Variants in CNGB1 observed in about 807,000 individuals in gnomAD.
CNGB1 encodes the protein cyclic nucleotide gated channel subunit beta 1.
Under a neutral mutation model 151.7 loss-of-function variants are expected in CNGB1, and 126 were observed. That is an observed-to-expected ratio of 0.83 (90% CI 0.72 to 0.96). The LOEUF is 0.96. Among genes scored for constraint, CNGB1 ranks in the 40% least tolerant of loss-of-function variants. The pLI is 0.00. For synonymous variants in CNGB1, 623 were observed against 635.1 expected (o/e 0.98, Z 0.29); for missense variants, 1,698 against 1,627.0 (o/e 1.04, Z -0.75).
chr16:57,918,108 G>GTTATTTATTTAT (rs35373193), intron 20 of CNGB1, among the ~76,000 whole-genome samples: 15 of 142,352 alleles, frequency 1.1e-4, no homozygotes, highest in East Asian at 2.1e-4. Flanking sequence ...AGATCATCTG[G>GTTATTTATTTAT]TTATTTATTT....
chr16:57,917,597 AGTGTGTGTATGTGT>A (rs1960907758), intron 20 of CNGB1, 121 bp from the exon 21 acceptor site: 4 of 724,598 alleles, frequency 5.5e-6, no homozygotes, highest in South Asian at 4.6e-5. Flanking sequence ...CTTTTGTAAG[AGTGTGTGTATGTGT>A]GTGTGTGTGT....
rs1382575255 is a variant in CNGB1 at position 57,919,032 on chromosome 16, C to A, written c.1957+67G>T. On this transcript the variant is annotated intron_variant, in intron 20 of 32. Transcript: ENST00000251102. ...CCTCTTGAATCCCCTGACCCTCTCC[C>A]CATCCCGCTCCAACTCTCCTGCTCT... 11 of 1,610,820 alleles carry A rather than the reference C, an allele frequency of 6.8e-6. No individual in the cohort carries two copies. The African/African-American group carries it at 1.3e-4, about 20-fold the overall frequency.
chr16:57,955,736 C>A, intron 12 of CNGB1, among the ~76,000 whole-genome samples: 1 of 152,090 alleles, frequency 6.6e-6, no homozygotes, highest in East Asian at 1.9e-4. Flanking sequence ...GAGGTAAAGG[C>A]TGTGTAGAGA....
intron 23 of CNGB1, among the ~76,000 whole-genome samples, chr16:57,914,400 T>A (rs1960807700): frequency 6.6e-6 from 1 of 152,232 alleles, no homozygotes; most frequent in Non-Finnish European, 1.5e-5. Flanking sequence ...CCATGCTCGA[T>A]TCCACATAGG....
chr16:57,885,557 C>CCTCTCTCTCTCTCTCTCTCT (rs1220420237), intron 32 of CNGB1, among the ~76,000 whole-genome samples: 1 of 97,622 alleles, frequency 1.0e-5, no homozygotes, highest in African/African-American at 4.0e-5. Flanking sequence ...TTCCTTCCTT[C>CCTCTCTCTCTCTCTCTCTCT]CTCTCTCTCT....
intron 23 of CNGB1, among the ~76,000 whole-genome samples, chr16:57,913,289 T>G (rs758933398): frequency 2.0e-5 from 3 of 152,236 alleles, no homozygotes; most frequent in Non-Finnish European, 4.4e-5. Context: ...ATCATGAGAC[T>G]TTTAGGGGTA....
At chr16:57,909,746 C>T (rs919914810) in intron 25 of CNGB1, among the ~76,000 whole-genome samples, 2 of 152,182 alleles carry the variant, frequency 1.3e-5, no homozygotes, top group African/African-American at 2.4e-5. Context: ...ATCAACAGTG[C>T]TCATGCCCAC....
At chr16:57,905,291 C>T (rs750940071) in intron 25 of CNGB1, among the ~76,000 whole-genome samples, 2 of 152,236 alleles carry the variant, frequency 1.3e-5, no homozygotes, top group Non-Finnish European at 2.9e-5. Flanking sequence ...GCAAAAGCAA[C>T]ATCAAGTTTG....
intron 31 of CNGB1, among the ~76,000 whole-genome samples, chr16:57,894,606 AG>A (rs1446505798): frequency 6.6e-6 from 1 of 152,218 alleles, no homozygotes; most frequent in East Asian, 1.9e-4. Context: ...ATCTCAAAAA[AG>A]AAAAAAAGAA....
rs771401261 is a variant in CNGB1, at chr16:57,917,262, A to C, written c.2166+6T>G. 2.1e-5 allele frequency: 34 copies of C among 1,610,618 alleles called. No homozygotes were observed. Among genetic ancestry groups the C allele is most frequent in the Non-Finnish European group, 1.2e-5 (14 of 1,178,464 alleles). The stretch of plus-strand genomic sequence containing the variant: ...GTCACCCCAACACCACCTGCCTGTG[A>C]CTCACAATGATGTCCCCGCCTCTGA... On this transcript the variant is annotated splice_donor_region_variant and intron_variant, in intron 21 of 32. Coordinates refer to ENST00000251102, the MANE Select transcript of CNGB1 (RefSeq NM_001297.5).
Position 57,883,346 on chromosome 16 carries a change from C to G in CNGB1, c.*818G>C. 6.6e-6 allele frequency: 1 copy of G among 152,620 alleles called. No individual in the cohort carries two copies. Among genetic ancestry groups the G allele is most frequent in the East Asian group, 1.9e-4 (1 of 5,202 alleles). 9.5% of individuals were successfully genotyped at this position (152,620 alleles called of 1,614,324 possible). A position where few individuals can be genotyped will look rare whatever the true frequency, so the allele number is the denominator to read the frequency against. On this transcript the variant is annotated 3_prime_UTR_variant, in exon 33 of 33. Transcript: ENST00000251102. ...AGAGATGGGGTCTCAATATGTTGCCCAGGCTGGTCTTGAACTCCTGGTCTC... is the reference window on the plus strand; with the variant it reads ...AGAGATGGGGTCTCAATATGTTGCCGAGGCTGGTCTTGAACTCCTGGTCTC...
intron 29 of CNGB1, among the ~76,000 whole-genome samples, chr16:57,901,143 T>C (rs1479394612): frequency 6.6e-6 from 1 of 152,140 alleles, no homozygotes; most frequent in African/African-American, 2.4e-5. Context: ...GGCACATGTG[T>C]GTTGACTGCA....
At chr16:57,928,686 G>A (rs1191442608) in intron 17 of CNGB1, among the ~76,000 whole-genome samples, 1 of 152,046 alleles carries the variant, frequency 6.6e-6, no homozygotes, top group East Asian at 1.9e-4. Context: ...CACCCAGGCT[G>A]GAATGCAATG....
chr16:57,946,690 C>T (rs1453923547), intron 14 of CNGB1: 1 of 152,206 alleles, frequency 6.6e-6, no homozygotes, highest in African/African-American at 2.4e-5. Context: ...CGTTACCAGG[C>T]CCTCACATCA....
chr16:57,950,415 C>A lies in CNGB1; in HGVS notation c.1000G>T (p.Glu334Ter). Residue 334 changes from glutamate to a stop codon, truncating the protein, a stop_gained, in exon 13 of 33, where the codon GAA becomes TAA. Transcript: ENST00000251102. LOFTEE classifies it high-confidence loss of function. The part of the protein sequence containing the change: ...PQGTEVVPAY[E>*]EENKAVEKMP... ...TTCTCCACAGCTTTGTTCTCTTCTT[C>A]ATAAGCTGGAACCACCTCTGTACCC... is the stretch of plus-strand genomic sequence containing the variant. 1 of 1,614,290 alleles carries A rather than the reference C, an allele frequency of 6.2e-7. No individual in the cohort carries two copies. The highest frequency in any genetic ancestry group is 2.2e-5 in the East Asian group (1 of 44,890).
chr16:57,894,941 G>A (rs996570949), intron 31 of CNGB1, among the ~76,000 whole-genome samples: 1 of 152,158 alleles, frequency 6.6e-6, no homozygotes, highest in Non-Finnish European at 1.5e-5. Context: ...GGAAGAGAAC[G>A]ACTCCAGATA....
At chr16:57,942,028 TGTTTG>T (rs144771179) in intron 14 of CNGB1, among the ~76,000 whole-genome samples, 1 of 151,944 alleles carries the variant, frequency 6.6e-6, no homozygotes, top group African/African-American at 2.4e-5. Flanking sequence ...TTTTTGTTTT[TGTTTG>T]GTTTGGTTTG....
chr16:57,934,132 A>G (rs1489445787), intron 16 of CNGB1, among the ~76,000 whole-genome samples: 1 of 151,614 alleles, frequency 6.6e-6, no homozygotes, highest in Non-Finnish European at 1.5e-5. Context: ...TCTGGAGAAG[A>G]GGATGAGCAG....
In CNGB1 at chr16:57,910,228, C is replaced by T. The variant is rs182208701; in HGVS notation, c.2492+1525G>A. Among the ~76,000 whole-genome samples the T allele has an allele frequency of 2.0e-5, 3 of 152,272 alleles. No individual in the cohort carries two copies. The East Asian group carries it at 5.8e-4, about 29-fold the overall frequency. ...AGACCTTAAGTCTGGTAAGAAACAT[C>T]ACAGTCTCTTTTCTCTAAAGCCCGC... On this transcript the variant is annotated intron_variant, in intron 25 of 32. Coordinates refer to ENST00000251102, the MANE Select transcript of CNGB1 (RefSeq NM_001297.5).
Sources: gnomAD v4.1 joint callset for allele counts (sites outside exome capture counted in the v4.1 genomes callset) on GRCh38, gnomAD v4.1.1 for gene constraint, MANE v1.5 for transcripts, NCBI Gene and HGNC (gene_info 2026-07-23, HGNC 2026-07-21) for gene names.